USP12: variants seen among roughly 807,000 people sequenced by gnomAD.
USP12 encodes the protein ubiquitin specific peptidase 12.
Under a neutral mutation model 45.5 loss-of-function variants are expected in USP12, and 19 were observed. The observed-to-expected ratio is 0.42, with a 90% CI of 0.29 to 0.61. The LOEUF is 0.61. Among genes scored for constraint, USP12 ranks in the 20% least tolerant of loss-of-function variants. The probability of loss-of-function intolerance (pLI) is 0.22; values close to 1 mark genes in which losing one functional copy is unlikely to be tolerated. For synonymous variants in USP12, 149 were observed against 148.8 expected (o/e 1.00, Z -0.01); for missense variants, 242 against 447.7 (o/e 0.54, Z 4.15).
intron 1 of USP12, among the ~76,000 whole-genome samples, chr13:27,163,522 A>G (rs1299191131): frequency 6.6e-6 from 1 of 152,198 alleles, no homozygotes; most frequent in East Asian, 1.9e-4. Flanking sequence ...TTATACCAAT[A>G]AGAAAAACAT....
intron 2 of USP12, among the ~76,000 whole-genome samples, chr13:27,111,665 A>G (rs1228198766): frequency 6.6e-6 from 1 of 152,234 alleles, no homozygotes; most frequent in Admixed American, 6.5e-5. Context: ...TTGAGCGCAC[A>G]TCCCTTACAC....
chr13:27,104,304 T>G (rs1486880755), intron 3 of USP12, among the ~76,000 whole-genome samples: 1 of 152,214 alleles, frequency 6.6e-6, no homozygotes, highest in Non-Finnish European at 1.5e-5. Flanking sequence ...GTGCTGGGAT[T>G]ATAGGTGTGA....
chr13:27,090,301 G>A, intron 4 of USP12, 143 bp from the exon 5 acceptor site: 1 of 616,446 alleles, frequency 1.6e-6, no homozygotes, highest in Non-Finnish European at 2.7e-6. Context: ...TACTTAATTT[G>A]GATTATCCAA....
chr13:27,124,704 G>A (rs780203482), intron 1 of USP12, among the ~76,000 whole-genome samples: 14 of 152,122 alleles, frequency 9.2e-5, no homozygotes, highest in Non-Finnish European at 1.2e-4. Flanking sequence ...CCCATGTGAC[G>A]GTGTGAAGGT....
At chr13:27,113,603 T>C (rs375418030) in intron 2 of USP12, among the ~76,000 whole-genome samples, 143 of 152,354 alleles carry the variant, frequency 9.4e-4, no homozygotes, top group African/African-American at 3.4e-3. Context: ...ATGTTCTTAC[T>C]CCACTGCCCC....
chr13:27,111,496 G>C (rs1403981286), intron 2 of USP12, among the ~76,000 whole-genome samples: 1 of 152,138 alleles, frequency 6.6e-6, no homozygotes, highest in Non-Finnish European at 1.5e-5. Context: ...AATTTTAAAA[G>C]TTGCCACCCT....
chr13:27,160,541 G>C (rs1208349874), intron 1 of USP12, among the ~76,000 whole-genome samples: 1 of 149,042 alleles, frequency 6.7e-6, no homozygotes, highest in African/African-American at 2.5e-5. Context: ...ATTCTAATTT[G>C]CCTAGCAGAA....
rs527444327 is a variant in USP12, at chr13:27,067,230, T to C, written c.*2053A>G. The C allele has an allele frequency of 7.0e-4, 106 of 152,342 alleles. No homozygotes were observed. The highest frequency in any genetic ancestry group is 6.8e-3 in the Middle Eastern group (2 of 294). The allele number at this position is 152,342 out of a possible 1,614,324, so 9.4% of individuals were successfully genotyped here. A position where few individuals can be genotyped will look rare whatever the true frequency, so the allele number is the denominator to read the frequency against. ...TCTATCTTTCTTAAACATGTTGATA[T>C]AGCTAATGTTAAAACTGACACAGCT... On this transcript the variant is annotated 3_prime_UTR_variant, in exon 9 of 9. Coordinates refer to ENST00000282344, the MANE Select transcript of USP12 (RefSeq NM_182488.4).
rs894363208 is a variant in USP12 at position 27,092,626 on chromosome 13, C to G, written c.574-2468G>C. On this transcript the variant is annotated intron_variant, in intron 4 of 8. Coordinates refer to ENST00000282344, the MANE Select transcript of USP12 (RefSeq NM_182488.4). ...GGCAATTCAACAGAGAAAGAATTGT[C>G]TTTTAAACAAATGATGCTGGAGCAG... 2.0e-5 allele frequency among the ~76,000 whole-genome samples: 3 copies of G among 152,256 alleles called. No homozygotes were observed. In the South Asian group the frequency reaches 6.2e-4, roughly 32 times the overall value.
intron 7 of USP12, among the ~76,000 whole-genome samples, chr13:27,073,209 C>T (rs1009395952): frequency 2.0e-5 from 3 of 151,842 alleles, no homozygotes; most frequent in African/African-American, 7.3e-5. Flanking sequence ...AGAGTAAGAC[C>T]CTGGGGTGGG....
intron 7 of USP12, 95 bp downstream of exon 7, chr13:27,075,096 A>C (rs532685727): frequency 2.6e-6 from 3 of 1,163,484 alleles, no homozygotes; most frequent in African/African-American, 3.1e-5. Flanking sequence ...AGAATTTCTA[A>C]AAGTTCTATA....
chr13:27,090,199 A>G (rs371997788), intron 4 of USP12, 41 bp from the exon 5 acceptor site: 54 of 1,470,766 alleles, frequency 3.7e-5, no homozygotes, highest in Non-Finnish European at 4.7e-5. Flanking sequence ...TTCAAATACT[A>G]GTAAACCACA....
At chr13:27,149,502 C>T (rs1318326159) in intron 1 of USP12, among the ~76,000 whole-genome samples, 1 of 152,136 alleles carries the variant, frequency 6.6e-6, no homozygotes, top group Non-Finnish European at 1.5e-5. Flanking sequence ...TAAAAAATTA[C>T]TACTAGAATA....
chr13:27,076,029 C>CAAAAAAAAAAAAAAAAAAAAA (rs11458818), intron 6 of USP12, among the ~76,000 whole-genome samples: 14 of 97,992 alleles, frequency 1.4e-4, no homozygotes, highest in African/African-American at 2.1e-4. Flanking sequence ...GGCTCCGTCT[C>CAAAAAAAAAAAAAAAAAAAAA]AAAAAAAAAA....
At chr13:27,090,987 C>T (rs534366903) in intron 4 of USP12, among the ~76,000 whole-genome samples, 100 of 152,206 alleles carry the variant, frequency 6.6e-4, no homozygotes, top group African/African-American at 2.4e-3. Flanking sequence ...AAGGGAGTTC[C>T]AATGGTGATT....
chr13:27,128,998 C>T (rs147233227), intron 1 of USP12, among the ~76,000 whole-genome samples: 1,599 of 152,294 alleles, frequency 0.01, 15 homozygotes, highest in Non-Finnish European at 0.015. Flanking sequence ...GGAGTTCATA[C>T]TCCAGATTCC....
At chr13:27,155,045 T>A (rs1188233747) in intron 1 of USP12, among the ~76,000 whole-genome samples, 1 of 149,826 alleles carries the variant, frequency 6.7e-6, no homozygotes, top group African/African-American at 2.4e-5. Context: ...CACAACTTTT[T>A]TTTTTTTCTG....
chr13:27,138,591 G>A (rs1280115701), intron 1 of USP12, among the ~76,000 whole-genome samples: 3 of 152,190 alleles, frequency 2.0e-5, no homozygotes, highest in African/African-American at 7.2e-5. Flanking sequence ...AATGCTACAG[G>A]CATTGTTTTT....
At chr13:27,098,078 A>G (rs960350204) in intron 3 of USP12, among the ~76,000 whole-genome samples, 1 of 151,658 alleles carries the variant, frequency 6.6e-6, no homozygotes, top group African/African-American at 2.4e-5. Context: ...TGTGCAGGGA[A>G]GTAAATTTGT....
Sources: gnomAD v4.1 joint callset for allele counts (sites outside exome capture counted in the v4.1 genomes callset) on GRCh38, gnomAD v4.1.1 for gene constraint, MANE v1.5 for transcripts, NCBI Gene and HGNC (gene_info 2026-07-23, HGNC 2026-07-21) for gene names.